The following TRRAP variants were observed in gnomAD, a reference collection of about 807,000 sequenced individuals.
The protein encoded by TRRAP is transformation/transcription domain associated protein, also known as transformation/transcription domain-associated protein.
In TRRAP, 41 loss-of-function variants were observed where a neutral mutation model predicts 438.8. The ratio of observed to expected loss-of-function variants is 0.09; its 90% CI spans 0.07 to 0.12. TRRAP has a LOEUF of 0.12. TRRAP is among the 10% of genes least tolerant of loss of function. The pLI is 1.00. For synonymous variants in TRRAP, 1,994 were observed against 1,962.9 expected (o/e 1.02, Z -0.42); for missense variants, 3,122 against 5,055.1 (o/e 0.62, Z 11.60).
chr7:98,953,074 TG>T, intron 39 of TRRAP, 92 bp from the exon 40 acceptor site: 1 of 473,284 alleles, frequency 2.1e-6, no homozygotes. Context: ...TGTGTGTGTG[TG>T]TGTGTTTTTA....
intron 48 of TRRAP, among the ~76,000 whole-genome samples, chr7:98,965,133 T>C (rs374032780): frequency 2.6e-5 from 4 of 152,244 alleles, no homozygotes; most frequent in South Asian, 4.1e-4. Context: ...CACGTGTGCA[T>C]GCGTGTGCAT....
intron 59 of TRRAP, 35 bp from the exon 60 acceptor site, chr7:98,983,229 A>G (rs1793009946): frequency 1.3e-6 from 2 of 1,557,946 alleles, no homozygotes; most frequent in Non-Finnish European, 1.7e-6. Context: ...CTTTACTGAC[A>G]TTTACCGCAG....
At chr7:98,951,592 C>T (rs535582680) in intron 39 of TRRAP, among the ~76,000 whole-genome samples, 6 of 152,302 alleles carry the variant, frequency 3.9e-5, no homozygotes, top group South Asian at 2.1e-4. Context: ...TGTTAAAGGC[C>T]GTGTTTGCCC....
intron 57 of TRRAP, 53 bp downstream of exon 57, chr7:98,978,376 G>GA (rs1792765659): frequency 6.7e-7 from 1 of 1,489,394 alleles, no homozygotes; most frequent in Admixed American, 1.9e-5. Context: ...GGGAACCAGG[G>GA]AAAAATCTCT....
At chr7:98,883,895 GA>G (rs1463842847) in intron 3 of TRRAP, among the ~76,000 whole-genome samples, 3 of 152,228 alleles carry the variant, frequency 2.0e-5, no homozygotes, top group African/African-American at 7.2e-5. Context: ...TCCCTCGGAA[GA>G]ATGTCGACGT....
chr7:98,962,328 G>C lies in TRRAP; in HGVS notation c.6730G>C (p.Glu2244Gln). The C allele has an allele frequency of 6.2e-7, 1 of 1,614,160 alleles. No homozygotes were observed. The highest frequency in any genetic ancestry group is 1.1e-5 in the South Asian group (1 of 91,084). Residue 2244 changes from glutamate (E) to glutamine (Q), a missense_variant, in exon 47 of 73, where the codon GAA becomes CAA. Physicochemically the swap from Glu to Gln is conservative, Grantham distance 29. Coordinates refer to ENST00000456197, the MANE Select transcript of TRRAP (RefSeq NM_001375524.1). ...PSTSSVASKY[E>Q]ELECLYAAVG... ...TACTTCCAGTGTGGCCTCCAAATATGAAGAGCTGGAGTGCCTCTACGCAGC... is the reference window on the plus strand; with the variant it reads ...TACTTCCAGTGTGGCCTCCAAATATCAAGAGCTGGAGTGCCTCTACGCAGC...
intron 58 of TRRAP, 40 bp downstream of exon 58, chr7:98,978,944 C>T: frequency 6.2e-7 from 1 of 1,609,844 alleles, no homozygotes; most frequent in Non-Finnish European, 8.5e-7. Context: ...TGCCTGGGTC[C>T]CTTTTCCTGA....
chr7:98,970,394 C>A, intron 52 of TRRAP, 103 bp downstream of exon 52: 7 of 1,393,900 alleles, frequency 5.0e-6, no homozygotes, highest in Non-Finnish European at 6.7e-6. Flanking sequence ...GCCCCACGGG[C>A]AGAATCCCAG....
intron 51 of TRRAP, among the ~76,000 whole-genome samples, chr7:98,968,575 G>T (rs1374887795): frequency 6.6e-6 from 1 of 152,216 alleles, no homozygotes; most frequent in Non-Finnish European, 1.5e-5. Flanking sequence ...TCACTCATCA[G>T]CTTGAGTTTG....
At chr7:98,897,694 T>C in intron 7 of TRRAP, 47 bp from the exon 8 acceptor site, 1 of 1,549,988 alleles carries the variant, frequency 6.5e-7, no homozygotes, top group Non-Finnish European at 8.7e-7. Flanking sequence ...TTTGAATGAA[T>C]ATTGGGTTTG....
In TRRAP at chr7:98,993,463, T is replaced by G. The variant is rs111691920; in HGVS notation, c.9848-75T>G. 1.8e-3 allele frequency: 2,729 copies of G among 1,501,714 alleles called. 42 individuals are homozygous for G. In the African/African-American group the frequency reaches 0.03, roughly 16 times the overall value. 93.0% of individuals were successfully genotyped at this position (1,501,714 alleles called of 1,614,324 possible). A position where few individuals can be genotyped will look rare whatever the true frequency, so the allele number is the denominator to read the frequency against. ...CAGGAACCAGCGCTCCTTTGGCCCA[T>G]GGGTCCTGCAGCGCTCCGAGCCCTG... On this transcript the variant is annotated intron_variant, in intron 65 of 72. Coordinates refer to ENST00000456197, the MANE Select transcript of TRRAP (RefSeq NM_001375524.1).
At position 98,922,752 on chromosome 7, in the gene TRRAP, T is replaced by G. The variant is rs79354523; in HGVS notation, c.2823+799T>G. Among the ~76,000 whole-genome samples, 24 of 152,226 alleles carry G rather than the reference T, an allele frequency of 1.6e-4. No homozygotes were observed. In the East Asian group the frequency reaches 4.7e-3, roughly 30 times the overall value. ...GTAAGCTGGCTGCCTGCTGGGGTCC[T>G]GAGCCTCTTGCAGATCTGATCTTCA... On this transcript the variant is annotated intron_variant, in intron 21 of 72. Transcript: ENST00000456197.
chr7:98,961,614 A>G (rs999453527), intron 46 of TRRAP, 140 bp downstream of exon 46: 64 of 1,108,928 alleles, frequency 5.8e-5, no homozygotes, highest in Non-Finnish European at 8.0e-5. Flanking sequence ...TTTCTTTTAA[A>G]AACTGACATG....
Position 98,994,543 on chromosome 7 carries a change from T to A in TRRAP, c.10048-44T>A. ...GCGCTTTTGGCTGCTGGTTCTGGAG[T>A]GGAGGGCTGTGTTTGTCAGTTGTCT... On this transcript the variant is annotated intron_variant, in intron 66 of 72. Transcript: ENST00000456197. This position sits in a 1 kb window ranked among gnomAD's most constrained non-coding sequence, Gnocchi z 4.8. The A allele has an allele frequency of 6.2e-7, 1 of 1,609,318 alleles. No homozygotes were observed. Among genetic ancestry groups the A allele is most frequent in the Non-Finnish European group, 8.5e-7 (1 of 1,177,550 alleles).
intron 23 of TRRAP, among the ~76,000 whole-genome samples, 188 bp from the exon 24 acceptor site, chr7:98,929,801 A>G (rs1554412397): frequency 6.6e-6 from 1 of 151,882 alleles, no homozygotes; most frequent in African/African-American, 2.4e-5. Flanking sequence ...ACCATGTTGG[A>G]CTAGGCTGGT....
At chr7:98,881,301 G>C in intron 2 of TRRAP, 51 bp downstream of exon 2, 1 of 1,520,554 alleles carries the variant, frequency 6.6e-7, no homozygotes. Flanking sequence ...GGCCGGATGC[G>C]GTGGCTCACG....
intron 39 of TRRAP, 38 bp from the exon 40 acceptor site, chr7:98,953,129 A>G (rs1232422483): frequency 1.0e-5 from 16 of 1,595,626 alleles, no homozygotes; most frequent in South Asian, 6.6e-5. Flanking sequence ...AACCCAGTTC[A>G]CAACTGGAAA....
chr7:98,903,726 G>A (rs1194785686), intron 12 of TRRAP, among the ~76,000 whole-genome samples: 2 of 152,046 alleles, frequency 1.3e-5, no homozygotes, highest in African/African-American at 4.8e-5. Flanking sequence ...AGACATACCC[G>A]AGACTGGGCA....
At chr7:99,006,923 C>T (rs769778303) in intron 69 of TRRAP, among the ~76,000 whole-genome samples, 23 of 152,230 alleles carry the variant, frequency 1.5e-4, no homozygotes, top group Non-Finnish European at 2.1e-4. Flanking sequence ...CCCAAGGTGA[C>T]GTCACTGGGG....
Sources: allele counts gnomAD v4.1 joint callset (sites outside exome capture counted in the v4.1 genomes callset), GRCh38; gene constraint gnomAD v4.1.1; non-coding constraint Gnocchi (gnomAD v3.1); transcripts MANE v1.5; gene names NCBI Gene and HGNC (gene_info 2026-07-23, HGNC 2026-07-21).